KCND2: variants seen among roughly 807,000 people sequenced by gnomAD.
KCND2 encodes potassium voltage-gated channel subfamily D member 2.
KCND2 carries 16 observed loss-of-function variants against 54.4 expected under a neutral mutation model. The observed-to-expected ratio is 0.29, with a 90% CI of 0.20 to 0.45. The LOEUF (loss-of-function observed/expected upper bound fraction) is 0.45. KCND2 is among the 20% of genes least tolerant of loss of function. The pLI is 1.00. For missense variants in KCND2, 486 were observed against 824.2 expected (o/e 0.59, Z 5.02); for synonymous variants, 317 against 310.7 (o/e 1.02, Z -0.21).
intron 1 of KCND2, among the ~76,000 whole-genome samples, chr7:120,520,584 C>G (rs144188992): frequency 4.6e-5 from 7 of 151,876 alleles, no homozygotes; most frequent in Non-Finnish European, 8.8e-5. Flanking sequence ...AGCTCAGGGA[C>G]GCTCCTGAAG....
At chr7:120,310,588 T>C (rs1799722795) in intron 1 of KCND2, among the ~76,000 whole-genome samples, 1 of 152,126 alleles carries the variant, frequency 6.6e-6, no homozygotes, top group Admixed American at 6.5e-5. Context: ...TATAATTGTG[T>C]TTAATGTGAT....
rs114650099 is a variant in KCND2, at chr7:120,307,391, A to G, written c.1115+31644A>G. ...GGTAAAAGTATACAAATTTGGGGAC[A>G]GTGATATACCTACCTGTGACTAGCT... On this transcript the variant is annotated intron_variant, in intron 1 of 5. Transcript: ENST00000331113. Among the ~76,000 whole-genome samples, 1,190 of 152,182 alleles carry G rather than the reference A, an allele frequency of 7.8e-3. 11 individuals carry two copies. The highest frequency in any genetic ancestry group is 0.027 in the African/African-American group (1,109 of 41,558).
chr7:120,619,582 A>G (rs1332369041), intron 1 of KCND2, among the ~76,000 whole-genome samples: 2 of 152,238 alleles, frequency 1.3e-5, no homozygotes, highest in East Asian at 3.8e-4. Flanking sequence ...TATTTATGCT[A>G]CTTCAGTAGG....
chr7:120,371,167 C>G lies in KCND2; in HGVS notation c.1115+95420C>G, dbSNP rs116298181. On this transcript the variant is annotated intron_variant, in intron 1 of 5. Transcript: ENST00000331113. The stretch of plus-strand genomic sequence containing the variant: ...TGTAGACAGAATGTGCCTCTGCCCA[C>G]CTTTCATTGGCCAAAGCAAGTCATG... Among the ~76,000 whole-genome samples, 758 of 152,100 alleles carry G rather than the reference C, an allele frequency of 5.0e-3. 2 individuals are homozygous for G. The highest frequency in any genetic ancestry group is 0.017 in the African/African-American group (698 of 41,536).
chr7:120,306,239 C>T (rs1299642471), intron 1 of KCND2, among the ~76,000 whole-genome samples: 1 of 152,002 alleles, frequency 6.6e-6, no homozygotes, highest in African/African-American at 2.4e-5. Flanking sequence ...TAGACATAGC[C>T]ATACAAAGTT....
At chr7:120,410,415 T>G (rs1332393865) in intron 1 of KCND2, among the ~76,000 whole-genome samples, 1 of 152,010 alleles carries the variant, frequency 6.6e-6, no homozygotes, top group African/African-American at 2.4e-5. Flanking sequence ...TTTGTCAATT[T>G]CTATAAAAAT....
intron 1 of KCND2, among the ~76,000 whole-genome samples, chr7:120,566,925 C>G (rs1247965282): frequency 2.0e-5 from 3 of 152,028 alleles, no homozygotes; most frequent in Non-Finnish European, 2.9e-5. Flanking sequence ...GGCTAAGTTG[C>G]TGGCTCATTT....
intron 1 of KCND2, among the ~76,000 whole-genome samples, chr7:120,434,712 C>A (rs764449539): frequency 1.2e-4 from 18 of 152,140 alleles, no homozygotes; most frequent in Non-Finnish European, 2.1e-4. Flanking sequence ...GGACAGTGGC[C>A]TCTTGTGGGG....
In KCND2 at chr7:120,579,499, G is replaced by A. The variant is rs972535227; in HGVS notation, c.1116-153404G>A. ...TGCCTGTAATCTCAGCTACTCAAGA[G>A]GCTGAGGCAGGAGAATTGCTTGAAC... On this transcript the variant is annotated intron_variant, in intron 1 of 5. Coordinates refer to ENST00000331113, the MANE Select transcript of KCND2 (RefSeq NM_012281.3). 2.0e-5 allele frequency among the ~76,000 whole-genome samples: 3 copies of A among 151,714 alleles called. No individual in the cohort carries two copies. The East Asian group carries it at 5.8e-4, about 29-fold the overall frequency.
chr7:120,426,527 C>G (rs1013351117), intron 1 of KCND2, among the ~76,000 whole-genome samples: 1 of 151,564 alleles, frequency 6.6e-6, no homozygotes. Flanking sequence ...CCTTAGAATG[C>G]ACTACTCCCT....
chr7:120,536,787 A>G (rs1791912771), intron 1 of KCND2, among the ~76,000 whole-genome samples: 1 of 152,152 alleles, frequency 6.6e-6, no homozygotes, highest in Non-Finnish European at 1.5e-5. Context: ...ATCTATAGTT[A>G]CTTTCTCCAC....
At chr7:120,701,218 T>G (rs1008991064) in intron 1 of KCND2, among the ~76,000 whole-genome samples, 10 of 121,536 alleles carry the variant, frequency 8.2e-5, no homozygotes, top group Non-Finnish European at 1.6e-4. Context: ...AATAACCTAG[T>G]TGAATGGCTG....
intron 1 of KCND2, among the ~76,000 whole-genome samples, chr7:120,721,874 T>C (rs1282879076): frequency 6.6e-6 from 1 of 152,092 alleles, no homozygotes; most frequent in Non-Finnish European, 1.5e-5. Flanking sequence ...TAGGAGATAA[T>C]TGAATTATGG....
intron 1 of KCND2, among the ~76,000 whole-genome samples, chr7:120,667,943 C>T (rs1791948105): frequency 1.3e-5 from 2 of 151,808 alleles, no homozygotes; most frequent in Admixed American, 1.3e-4. Flanking sequence ...TGTATTCTGA[C>T]AGCCCTAACC....
intron 1 of KCND2, among the ~76,000 whole-genome samples, chr7:120,386,759 A>G (rs1178336898): frequency 6.6e-6 from 1 of 152,042 alleles, no homozygotes; most frequent in African/African-American, 2.4e-5. Flanking sequence ...GCCCCTCTTT[A>G]TTGTCTTAAC....
intron 1 of KCND2, among the ~76,000 whole-genome samples, chr7:120,643,403 TA>T (rs1436426409): frequency 6.6e-6 from 1 of 152,146 alleles, no homozygotes; most frequent in Non-Finnish European, 1.5e-5. Flanking sequence ...ACAATTAACA[TA>T]AAAATATATA....
intron 1 of KCND2, among the ~76,000 whole-genome samples, chr7:120,528,407 G>A (rs1791803174): frequency 6.6e-6 from 1 of 152,026 alleles, no homozygotes. Flanking sequence ...AGATTGCTTA[G>A]CAATAGATTC....
At chr7:120,658,802 AG>A (rs1762161172) in intron 1 of KCND2, among the ~76,000 whole-genome samples, 1 of 152,366 alleles carries the variant, frequency 6.6e-6, no homozygotes, top group East Asian at 1.9e-4. Flanking sequence ...GTTACATGTC[AG>A]TACAATGCAT....
At chr7:120,588,866 A>G (rs888098596) in intron 1 of KCND2, among the ~76,000 whole-genome samples, 4 of 152,196 alleles carry the variant, frequency 2.6e-5, no homozygotes, top group Non-Finnish European at 4.4e-5. Context: ...CCACCTGCCC[A>G]TCTGACAGAA....
Sources: gnomAD v4.1 joint callset for allele counts (sites outside exome capture counted in the v4.1 genomes callset) on GRCh38, gnomAD v4.1.1 for gene constraint, MANE v1.5 for transcripts, NCBI Gene and HGNC (gene_info 2026-07-23, HGNC 2026-07-21) for gene names.